The following SORCS1 variants were observed in gnomAD, a reference collection of about 807,000 sequenced individuals.
SORCS1 encodes the protein VPS10 domain-containing receptor SorCS1.
A neutral mutation model predicts 146.1 loss-of-function variants in SORCS1; 60 were observed. That is an observed-to-expected ratio of 0.41 (90% confidence interval 0.33 to 0.51). SORCS1 has a LOEUF of 0.51. Among genes scored for constraint, SORCS1 ranks in the 20% least tolerant of loss-of-function variants. The pLI is 0.21. For missense variants in SORCS1, 1,352 were observed against 1,487.6 expected, an observed-to-expected ratio of 0.91 and a Z score of 1.50; for synonymous variants, 637 against 584.0, an observed-to-expected ratio of 1.09 and a Z score of -1.31.
In SORCS1 at chr10:106,650,136, T is replaced by G. The variant is rs376506525; in HGVS notation, c.2475+2246A>C. ...TTGGATATTTCTAAATGCCCAACAT[T>G]TTATATGAAAAATATTAGGTAAAGC... On this transcript the variant is annotated intron_variant, in intron 18 of 25. Transcript: ENST00000263054. 2.0e-5 allele frequency among the ~76,000 whole-genome samples: 3 copies of G among 152,206 alleles called. No homozygotes were observed. The East Asian group carries it at 5.8e-4, about 29-fold the overall frequency.
At chr10:106,741,546 C>A (rs1033431873) in intron 5 of SORCS1, among the ~76,000 whole-genome samples, 1 of 151,828 alleles carries the variant, frequency 6.6e-6, no homozygotes, top group Non-Finnish European at 1.5e-5. Flanking sequence ...TGCAGTGAGC[C>A]AAGATTGCGT....
chr10:106,910,381 G>A (rs1167636426), intron 2 of SORCS1, among the ~76,000 whole-genome samples: 1 of 151,488 alleles, frequency 6.6e-6, no homozygotes, highest in Non-Finnish European at 1.5e-5. Context: ...ATTTTATATA[G>A]TTAATGACAG....
chr10:106,600,383 A>G (rs560348980), intron 23 of SORCS1: 582 of 978,004 alleles, frequency 6.0e-4, no homozygotes, highest in Middle Eastern at 2.6e-3. Flanking sequence ...TCAACAATGA[A>G]CACATGCTTT....
chr10:107,013,253 G>A (rs1359217389), intron 1 of SORCS1, among the ~76,000 whole-genome samples: 1 of 152,122 alleles, frequency 6.6e-6, no homozygotes, highest in Non-Finnish European at 1.5e-5. Context: ...AAGCTACTAG[G>A]AAAAGTTGGG....
chr10:106,647,743 T>A (rs1445989135), intron 18 of SORCS1, among the ~76,000 whole-genome samples: 1 of 152,178 alleles, frequency 6.6e-6, no homozygotes, highest in Admixed American at 6.5e-5. Flanking sequence ...GTGGTATGAC[T>A]TTTTTCACAA....
At position 106,862,781 on chromosome 10, in the gene SORCS1, A is replaced by T. The variant is rs56708053; in HGVS notation, c.627-33108T>A. Among the ~76,000 whole-genome samples, 248 of 45,070 alleles carry T rather than the reference A, an allele frequency of 5.5e-3. 1 individual carries two copies. Among genetic ancestry groups the T allele is most frequent in the African/African-American group, 0.031 (221 of 7,206 alleles). 29.6% of individuals were successfully genotyped at this position (45,070 alleles called of 152,430 possible). Reference sequence around the variant, plus strand: ...TAACACGGTGAAACCCTGTCTCTACAAAAAAAAAAAAAAAAAAAAAAAAAA... The same window carrying T: ...TAACACGGTGAAACCCTGTCTCTACTAAAAAAAAAAAAAAAAAAAAAAAAA... On this transcript the variant is annotated intron_variant, in intron 2 of 25. Transcript: ENST00000263054.
At chr10:106,940,859 G>C (rs1954007018) in intron 2 of SORCS1, among the ~76,000 whole-genome samples, 1 of 152,072 alleles carries the variant, frequency 6.6e-6, no homozygotes, top group African/African-American at 2.4e-5. Flanking sequence ...ACTCCAGCCT[G>C]GGCAACAAGA....
intron 2 of SORCS1, among the ~76,000 whole-genome samples, chr10:106,850,417 T>G (rs1949511986): frequency 6.6e-6 from 1 of 152,128 alleles, no homozygotes. Flanking sequence ...ACTTCCCAGG[T>G]GAGGCAATGC....
intron 8 of SORCS1, 28 bp from the exon 9 acceptor site, chr10:106,699,421 G>A (rs753964161): frequency 8.3e-6 from 13 of 1,569,162 alleles, no homozygotes; most frequent in Middle Eastern, 1.7e-4. Flanking sequence ...GTCGTGAAGA[G>A]GGAAAAAGAG....
At chr10:106,747,188 T>C (rs1857806980) in intron 5 of SORCS1, among the ~76,000 whole-genome samples, 1 of 152,244 alleles carries the variant, frequency 6.6e-6, no homozygotes, top group African/African-American at 2.4e-5. Flanking sequence ...TGTGAAAACC[T>C]TGACAGCTTT....
chr10:107,125,009 G>A (rs1966631284), intron 1 of SORCS1, among the ~76,000 whole-genome samples: 1 of 141,704 alleles, frequency 7.1e-6, no homozygotes. Flanking sequence ...CTGGAGTGCA[G>A]TGGCGCGATC....
chr10:106,681,209 T>C (rs569052297), intron 10 of SORCS1, among the ~76,000 whole-genome samples: 2 of 152,196 alleles, frequency 1.3e-5, no homozygotes, highest in African/African-American at 4.8e-5. Context: ...CAGAACAGCA[T>C]AGTACAACAC....
chr10:106,688,602 A>T (rs1012170366), intron 9 of SORCS1, among the ~76,000 whole-genome samples: 4 of 152,188 alleles, frequency 2.6e-5, no homozygotes, highest in South Asian at 2.1e-4. Context: ...ACATAGGCTG[A>T]CAGGAGCCCG....
chr10:106,728,607 A>T (rs911267826), intron 6 of SORCS1, among the ~76,000 whole-genome samples: 2 of 152,244 alleles, frequency 1.3e-5, no homozygotes, highest in African/African-American at 2.4e-5. Context: ...GAGAAATCTC[A>T]TGGTACATGC....
chr10:106,698,866 C>G (rs545650499), intron 9 of SORCS1, among the ~76,000 whole-genome samples: 4 of 152,240 alleles, frequency 2.6e-5, no homozygotes, highest in East Asian at 3.9e-4. Flanking sequence ...TCCACCATCC[C>G]TTTACTCACA....
At chr10:106,661,463 T>A (rs759586199) in intron 17 of SORCS1, among the ~76,000 whole-genome samples, 1 of 152,224 alleles carries the variant, frequency 6.6e-6, no homozygotes, top group African/African-American at 2.4e-5. Context: ...ATATTATTAC[T>A]GCAGTGACAA....
At chr10:106,850,558 C>T (rs557981639) in intron 2 of SORCS1, among the ~76,000 whole-genome samples, 9 of 152,292 alleles carry the variant, frequency 5.9e-5, no homozygotes, top group Non-Finnish European at 1.2e-4. Flanking sequence ...GCGTTGCTCA[C>T]GCTGGGAGCT....
At chr10:106,776,283 TGA>T (rs1860424871) in intron 4 of SORCS1, among the ~76,000 whole-genome samples, 1 of 152,228 alleles carries the variant, frequency 6.6e-6, no homozygotes. Flanking sequence ...GCATCTATGC[TGA>T]GAACTGCTTC....
intron 2 of SORCS1, among the ~76,000 whole-genome samples, chr10:106,855,936 A>C (rs1949768578): frequency 6.6e-6 from 1 of 152,182 alleles, no homozygotes; most frequent in Non-Finnish European, 1.5e-5. Context: ...ATGCCTGAAC[A>C]GCTGACATGA....
Sources: allele counts gnomAD v4.1 joint callset (sites outside exome capture counted in the v4.1 genomes callset), GRCh38; gene constraint gnomAD v4.1.1; transcripts MANE v1.5; gene names NCBI Gene and HGNC (gene_info 2026-07-23, HGNC 2026-07-21).